SKAP1: variants seen among roughly 807,000 people sequenced by gnomAD.
SKAP1 encodes the protein src kinase associated phosphoprotein 1.
Under a neutral mutation model 58.5 loss-of-function variants are expected in SKAP1, and 44 were observed. The observed-to-expected ratio is 0.75, with a 90% CI of 0.59 to 0.97. The LOEUF is 0.97. SKAP1 is among the 50% of genes least tolerant of loss of function. SKAP1 has a pLI of 0.00. For synonymous variants in SKAP1, 127 were observed against 149.7 expected, an observed-to-expected ratio of 0.85 and a Z score of 1.11; for missense variants, 390 against 435.2, an observed-to-expected ratio of 0.90 and a Z score of 0.92.
intron 4 of SKAP1, among the ~76,000 whole-genome samples, chr17:48,320,269 T>C (rs1416165466): frequency 6.6e-6 from 1 of 152,188 alleles, no homozygotes; most frequent in Non-Finnish European, 1.5e-5. Flanking sequence ...TGGTTCTCTG[T>C]ACACCTTAAA....
At chr17:48,147,395 A>G (rs542581839) in intron 11 of SKAP1, among the ~76,000 whole-genome samples, 2 of 152,256 alleles carry the variant, frequency 1.3e-5, no homozygotes, top group Admixed American at 6.5e-5. Flanking sequence ...CAGACATCGT[A>G]TTTTTACTCT....
Position 48,246,015 on chromosome 17 carries a change from C to A in SKAP1, c.281-56515G>T, listed in dbSNP as rs187961824. Among the ~76,000 whole-genome samples, 145 of 151,938 alleles carry A rather than the reference C, an allele frequency of 9.5e-4. 2 individuals are homozygous for A. In the East Asian group the frequency reaches 0.024, roughly 25 times the overall value. On this transcript the variant is annotated intron_variant, in intron 4 of 12. Transcript: ENST00000336915. ...ACAATAACAAAAAACAACAAAAAAA[C>A]CCACAAAAATTTACAATAATAATGC...
chr17:48,151,086 GAAAA>G (rs369278460), intron 11 of SKAP1, among the ~76,000 whole-genome samples: 2 of 130,408 alleles, frequency 1.5e-5, no homozygotes, highest in Non-Finnish European at 1.6e-5. Context: ...GACGCAGCAG[GAAAA>G]AAAAAAAAAA....
rs531747130 is a variant in SKAP1, at chr17:48,355,780, C to T, written c.178+8009G>A. The stretch of plus-strand genomic sequence containing the variant: ...GGTGGGGGTTGCAGTAAACTGAGAT[C>T]GTGCCACTGCACTCCAGCCTGGGTG... On this transcript the variant is annotated intron_variant, in intron 3 of 12. Coordinates refer to ENST00000336915, the MANE Select transcript of SKAP1 (RefSeq NM_003726.4). 2.6e-5 allele frequency among the ~76,000 whole-genome samples: 4 copies of T among 151,394 alleles called. No individual in the cohort carries two copies. In the East Asian group the frequency reaches 5.8e-4, roughly 22 times the overall value.
intron 4 of SKAP1, among the ~76,000 whole-genome samples, chr17:48,343,151 C>T (rs1220011163): frequency 6.6e-6 from 1 of 152,050 alleles, no homozygotes; most frequent in Non-Finnish European, 1.5e-5. Flanking sequence ...TCTGCTTTCT[C>T]ACTGCATTTT....
chr17:48,155,067 CAA>C (rs142211653), intron 11 of SKAP1, among the ~76,000 whole-genome samples: 25,052 of 128,770 alleles, frequency 0.19, 2,119 homozygotes, highest in Middle Eastern at 0.22. Context: ...GACTCTGTCT[CAA>C]AAAAAAAAAA....
At chr17:48,218,374 C>T (rs957037789) in intron 4 of SKAP1, among the ~76,000 whole-genome samples, 4 of 152,184 alleles carry the variant, frequency 2.6e-5, no homozygotes, top group African/African-American at 9.7e-5. Context: ...CCTCTCTTTG[C>T]CTGGCAAACC....
At chr17:48,303,825 T>C (rs2066096683) in intron 4 of SKAP1, among the ~76,000 whole-genome samples, 1 of 152,180 alleles carries the variant, frequency 6.6e-6, no homozygotes, top group African/African-American at 2.4e-5. Flanking sequence ...TTTCTTGCTA[T>C]CTATGAAATA....
At chr17:48,400,578 C>T (rs1332503692) in intron 1 of SKAP1, among the ~76,000 whole-genome samples, 4 of 151,646 alleles carry the variant, frequency 2.6e-5, no homozygotes, top group Non-Finnish European at 4.4e-5. Flanking sequence ...GATGAAACCC[C>T]GCCTCTACAA....
At chr17:48,143,543 C>T (rs2063793904) in intron 11 of SKAP1, among the ~76,000 whole-genome samples, 1 of 152,140 alleles carries the variant, frequency 6.6e-6, no homozygotes, top group Admixed American at 6.6e-5. Flanking sequence ...AGATATGTTA[C>T]TGTCCATTTT....
intron 4 of SKAP1, among the ~76,000 whole-genome samples, chr17:48,206,477 T>C (rs940008238): frequency 2.0e-5 from 3 of 151,110 alleles, no homozygotes; most frequent in African/African-American, 7.3e-5. Context: ...GAAATAAAAT[T>C]TAATTATACA....
chr17:48,262,163 G>A (rs1478295636), intron 4 of SKAP1, among the ~76,000 whole-genome samples: 1 of 152,206 alleles, frequency 6.6e-6, no homozygotes, highest in African/African-American at 2.4e-5. Flanking sequence ...ACATTGGAGG[G>A]TTGGAGAGAA....
intron 2 of SKAP1, among the ~76,000 whole-genome samples, chr17:48,374,497 T>C (rs2067129146): frequency 6.6e-6 from 1 of 152,188 alleles, no homozygotes; most frequent in African/African-American, 2.4e-5. Flanking sequence ...TGAAGAGTTA[T>C]CCTGCATTGA....
At chr17:48,361,941 G>C (rs1204020722) in intron 3 of SKAP1, among the ~76,000 whole-genome samples, 9 of 152,040 alleles carry the variant, frequency 5.9e-5, no homozygotes, top group Admixed American at 5.9e-4. Flanking sequence ...CTGATCAAAA[G>C]GGCAAGGTAA....
intron 4 of SKAP1, among the ~76,000 whole-genome samples, chr17:48,337,247 T>G (rs1419980127): frequency 6.6e-6 from 1 of 152,154 alleles, no homozygotes; most frequent in African/African-American, 2.4e-5. Flanking sequence ...ATAATATAGT[T>G]TATGAATTCA....
chr17:48,292,338 TA>T (rs888879153), intron 4 of SKAP1, among the ~76,000 whole-genome samples: 16 of 151,818 alleles, frequency 1.1e-4, no homozygotes, highest in African/African-American at 2.7e-4. Context: ...CTAACATTTG[TA>T]AAAAAAACCA....
chr17:48,151,086 G>GAA (rs369278460), intron 11 of SKAP1, among the ~76,000 whole-genome samples: 5 of 130,400 alleles, frequency 3.8e-5, no homozygotes, highest in Admixed American at 7.9e-5. Flanking sequence ...GACGCAGCAG[G>GAA]AAAAAAAAAA....
At chr17:48,200,431 C>A (rs915321782) in intron 4 of SKAP1, among the ~76,000 whole-genome samples, 11 of 151,404 alleles carry the variant, frequency 7.3e-5, no homozygotes, top group African/African-American at 2.7e-4. Context: ...GGCTGGGGTA[C>A]AATGGCGCAA....
At chr17:48,190,588 C>G (rs1397564841) in intron 4 of SKAP1, among the ~76,000 whole-genome samples, 3 of 152,034 alleles carry the variant, frequency 2.0e-5, no homozygotes, top group African/African-American at 7.3e-5. Flanking sequence ...TTTCTCTTAA[C>G]AAACAGATAG....
Sources: gnomAD v4.1 joint callset for allele counts (sites outside exome capture counted in the v4.1 genomes callset) on GRCh38, gnomAD v4.1.1 for gene constraint, MANE v1.5 for transcripts, NCBI Gene and HGNC (gene_info 2026-07-23, HGNC 2026-07-21) for gene names.